Variants in ITGA9 observed in about 807,000 individuals in gnomAD.
ITGA9 encodes integrin alpha-9.
ITGA9 carries 56 observed loss-of-function variants against 127.8 expected under a neutral mutation model. That is an observed-to-expected ratio of 0.44 (90% confidence interval 0.35 to 0.55). The LOEUF (loss-of-function observed/expected upper bound fraction) is 0.55. ITGA9 is among the 20% of genes least tolerant of loss of function. The probability of loss-of-function intolerance (pLI) is 0.00; values close to 1 mark genes in which losing one functional copy is unlikely to be tolerated. For synonymous variants in ITGA9, 508 were observed against 514.5 expected (o/e 0.99, Z 0.17); for missense variants, 1,196 against 1,347.1 (o/e 0.89, Z 1.76).
intron 15 of ITGA9, among the ~76,000 whole-genome samples, chr3:37,571,660 A>G (rs1204309350): frequency 6.6e-6 from 1 of 152,040 alleles, no homozygotes. Context: ...CTTTCTGGAG[A>G]TATTGATGCT....
intron 5 of ITGA9, 37 bp downstream of exon 5, chr3:37,494,605 T>C (rs546162356): frequency 3.2e-6 from 5 of 1,552,168 alleles, no homozygotes; most frequent in Non-Finnish European, 3.6e-6. Context: ...TGTTCTCTTG[T>C]GGGTGTTCAT....
intron 1 of ITGA9, among the ~76,000 whole-genome samples, chr3:37,459,090 C>G (rs1391157027): frequency 6.6e-6 from 1 of 152,208 alleles, no homozygotes; most frequent in African/African-American, 2.4e-5. Flanking sequence ...CCACCAATGT[C>G]TGTTCTGACC....
chr3:37,461,211 C>T (rs555732871), intron 1 of ITGA9, among the ~76,000 whole-genome samples: 6 of 152,264 alleles, frequency 3.9e-5, no homozygotes, highest in South Asian at 2.1e-4. Flanking sequence ...ACCAGATCCA[C>T]GATTTTTGTG....
chr3:37,677,701 T>C (rs560493011), intron 17 of ITGA9, among the ~76,000 whole-genome samples: 160 of 152,218 alleles, frequency 1.1e-3, no homozygotes, highest in Non-Finnish European at 1.9e-3. Flanking sequence ...CTGAGTGGCC[T>C]TGGGGAAGTC....
At chr3:37,638,777 C>T (rs1187939425) in intron 16 of ITGA9, among the ~76,000 whole-genome samples, 4 of 152,228 alleles carry the variant, frequency 2.6e-5, no homozygotes, top group Non-Finnish European at 5.9e-5. Flanking sequence ...TCTGCCCCCA[C>T]TGATGGCCTA....
chr3:37,564,782 A>C (rs953330935), intron 15 of ITGA9, among the ~76,000 whole-genome samples: 1 of 152,238 alleles, frequency 6.6e-6, no homozygotes, highest in Non-Finnish European at 1.5e-5. Context: ...TGGAGCCCAC[A>C]GCAGAACTCC....
intron 15 of ITGA9, among the ~76,000 whole-genome samples, chr3:37,575,500 A>G (rs1575155273): frequency 6.6e-6 from 1 of 152,076 alleles, no homozygotes; most frequent in East Asian, 1.9e-4. Context: ...TCTTTACCCA[A>G]GTTGTCTCTG....
intron 26 of ITGA9, among the ~76,000 whole-genome samples, chr3:37,791,076 C>T (rs116182597): frequency 0.012 from 1,838 of 152,128 alleles, 36 homozygotes; most frequent in African/African-American, 0.042. Context: ...TCAGGTGAGG[C>T]TGAGGGGTGA....
chr3:37,619,279 G>T (rs1229584140), intron 15 of ITGA9, among the ~76,000 whole-genome samples: 1 of 152,092 alleles, frequency 6.6e-6, no homozygotes, highest in African/African-American at 2.4e-5. Flanking sequence ...ACTGTATCCA[G>T]CTCTTCTCAC....
chr3:37,752,385 C>T (rs536065262), intron 23 of ITGA9, among the ~76,000 whole-genome samples: 3 of 152,166 alleles, frequency 2.0e-5, no homozygotes, highest in Non-Finnish European at 4.4e-5. Context: ...GTGGCATTCC[C>T]TCCCCACCCC....
At chr3:37,786,207 A>G (rs1364030455) in intron 26 of ITGA9, among the ~76,000 whole-genome samples, 1 of 152,190 alleles carries the variant, frequency 6.6e-6, no homozygotes, top group South Asian at 2.1e-4. Flanking sequence ...CACATTTACA[A>G]AAGTGATAAG....
At chr3:37,470,173 G>A (rs938617269) in intron 1 of ITGA9, among the ~76,000 whole-genome samples, 6 of 141,594 alleles carry the variant, frequency 4.2e-5, no homozygotes, top group African/African-American at 1.6e-4. Flanking sequence ...TACATATGCA[G>A]CTTTGAACAT....
At chr3:37,741,918 G>T (rs1696442366) in intron 21 of ITGA9, 99 bp downstream of exon 21, 1 of 927,838 alleles carries the variant, frequency 1.1e-6, no homozygotes, top group Admixed American at 2.0e-5. Context: ...GGAGCCAAGG[G>T]CTGTGCCACC....
At chr3:37,489,481 C>A (rs1698644697) in intron 4 of ITGA9, among the ~76,000 whole-genome samples, 1 of 152,218 alleles carries the variant, frequency 6.6e-6, no homozygotes, top group South Asian at 2.1e-4. Context: ...CTTTTAAAAT[C>A]TTTCTTTCAT....
intron 27 of ITGA9, among the ~76,000 whole-genome samples, chr3:37,817,211 G>T (rs942521626): frequency 6.6e-6 from 1 of 152,216 alleles, no homozygotes; most frequent in South Asian, 2.1e-4. Context: ...TTCACGATTT[G>T]TGTAGGACAC....
chr3:37,744,243 T>A (rs1355910905), intron 22 of ITGA9, among the ~76,000 whole-genome samples: 4 of 152,092 alleles, frequency 2.6e-5, no homozygotes, highest in Non-Finnish European at 5.9e-5. Flanking sequence ...TTTTTCAGGA[T>A]TTGGAAGGAC....
intron 15 of ITGA9, among the ~76,000 whole-genome samples, chr3:37,557,610 A>T (rs1699443838): frequency 1.3e-5 from 2 of 151,946 alleles, no homozygotes; most frequent in South Asian, 2.1e-4. Flanking sequence ...TGCTTCTTTT[A>T]AAAAAAATGT....
intron 8 of ITGA9, among the ~76,000 whole-genome samples, chr3:37,509,045 C>T (rs1186293411): frequency 1.3e-5 from 2 of 152,156 alleles, no homozygotes; most frequent in Non-Finnish European, 2.9e-5. Flanking sequence ...CAACATTACC[C>T]CCTTCCCTAA....
intron 15 of ITGA9, among the ~76,000 whole-genome samples, chr3:37,546,587 G>A (rs555358256): frequency 3.3e-4 from 50 of 152,308 alleles, no homozygotes; most frequent in African/African-American, 1.1e-3. Flanking sequence ...TAGGCCCTGG[G>A]GATGCCACTG....
Sources: allele counts gnomAD v4.1 joint callset (sites outside exome capture counted in the v4.1 genomes callset), GRCh38; gene constraint gnomAD v4.1.1; transcripts MANE v1.5; gene names NCBI Gene and HGNC (gene_info 2026-07-23, HGNC 2026-07-21).